The following RBM20 variants were observed in gnomAD, a reference collection of about 807,000 sequenced individuals.
RBM20 encodes RNA-binding protein 20.
Under a neutral mutation model 110.1 loss-of-function variants are expected in RBM20, and 51 were observed. The ratio of observed to expected loss-of-function variants is 0.46; its 90% CI spans 0.37 to 0.59. The LOEUF is 0.59. Ranked by LOEUF, RBM20 falls within the 20% of genes least tolerant of loss-of-function variation. The pLI is 0.00. For missense variants in RBM20, 1,512 were observed against 1,574.9 expected (o/e 0.96, Z 0.68); for synonymous variants, 589 against 618.2 (o/e 0.95, Z 0.70).
chr10:110,740,250 C>A (rs931254579), intron 1 of RBM20, among the ~76,000 whole-genome samples: 2 of 152,104 alleles, frequency 1.3e-5, no homozygotes, highest in Admixed American at 6.5e-5. Context: ...GTAATGTTGA[C>A]CTTGGAAGGT....
At chr10:110,744,542 C>T (rs368454965) in intron 1 of RBM20, among the ~76,000 whole-genome samples, 41 of 152,186 alleles carry the variant, frequency 2.7e-4, no homozygotes, top group African/African-American at 9.9e-4. Flanking sequence ...TTGATGGAAA[C>T]GCAGATTCTC....
chr10:110,708,072 TA>T (rs1438232699), intron 1 of RBM20, among the ~76,000 whole-genome samples: 2 of 152,224 alleles, frequency 1.3e-5, no homozygotes, highest in Non-Finnish European at 2.9e-5. Context: ...CACTCGGTTA[TA>T]AAAAGGTTGG....
chr10:110,803,045 G>T (rs1187518153), intron 7 of RBM20, among the ~76,000 whole-genome samples: 2 of 152,076 alleles, frequency 1.3e-5, no homozygotes, highest in Admixed American at 6.5e-5. Flanking sequence ...TGTGTAGGGT[G>T]TATAATAGCA....
intron 1 of RBM20, among the ~76,000 whole-genome samples, chr10:110,748,637 G>A (rs1481323480): frequency 6.6e-6 from 1 of 152,136 alleles, no homozygotes; most frequent in East Asian, 1.9e-4. Flanking sequence ...ACACTTACGA[G>A]TTGTTGTGTC....
In RBM20 at chr10:110,697,737, C is replaced by A. The variant is rs1294235947; in HGVS notation, c.191+53092C>A. The stretch of plus-strand genomic sequence containing the variant: ...CCCTGTCTGGTCCTCATCCTTCCCT[C>A]AAGCTTTTGCTCAAGTCTCACCTCT... On this transcript the variant is annotated intron_variant, in intron 1 of 13. Coordinates refer to ENST00000369519, the MANE Select transcript of RBM20 (RefSeq NM_001134363.3). 2.6e-5 allele frequency among the ~76,000 whole-genome samples: 4 copies of A among 152,170 alleles called. No homozygotes were observed. The East Asian group carries it at 7.7e-4, about 29-fold the overall frequency.
chr10:110,788,029 G>A (rs759360377), intron 5 of RBM20, among the ~76,000 whole-genome samples: 2 of 152,162 alleles, frequency 1.3e-5, no homozygotes, highest in African/African-American at 2.4e-5. Context: ...GGAAACTGAG[G>A]CCTAGAGAAG....
Position 110,820,055 on chromosome 10 carries a change from G to T in RBM20, c.2551-17G>T. ...GCTCACTGTTGATTTGGTTTGCTCTGTTCTTCCTTTGATAAGGCTGGAAAA... is the reference window on the plus strand; with the variant it reads ...GCTCACTGTTGATTTGGTTTGCTCTTTTCTTCCTTTGATAAGGCTGGAAAA... On this transcript the variant is annotated splice_polypyrimidine_tract_variant and intron_variant, in intron 9 of 13. Transcript: ENST00000369519. 1 of 1,523,234 alleles carries T rather than the reference G, an allele frequency of 6.6e-7. No homozygotes were observed. The allele number at this position is 1,523,234 out of a possible 1,614,324, so 94.4% of individuals were successfully genotyped here.
upstream of RBM20, chr10:110,644,252 G>C: frequency 1.5e-5 from 5 of 332,772 alleles, no homozygotes; most frequent in South Asian, 1.2e-4. This position sits in a 1 kb window ranked among gnomAD's most constrained non-coding sequence, Gnocchi z 4.3. Context: ...CCGCCCCCGC[G>C]TGGCCGGCCG....
Position 110,784,899 on chromosome 10 carries a change from G to A in RBM20, c.1527+10G>A, listed in dbSNP as rs1434850211. 21 of 1,421,350 alleles carry A rather than the reference G, an allele frequency of 1.5e-5. No homozygotes were observed. The highest frequency in any genetic ancestry group is 1.9e-5 in the Non-Finnish European group (20 of 1,037,374). The allele number at this position is 1,421,350 out of a possible 1,614,324, so 88.0% of individuals were successfully genotyped here. A position where few individuals can be genotyped will look rare whatever the true frequency, so the allele number is the denominator to read the frequency against. On this transcript the variant is annotated intron_variant, in intron 5 of 13. Coordinates refer to ENST00000369519, the MANE Select transcript of RBM20 (RefSeq NM_001134363.3). The stretch of plus-strand genomic sequence containing the variant: ...TTCTGTGGGGACAACTGTGAGTACG[G>A]AAACATTTTCTCTAGAAATTAATGA...
intron 1 of RBM20, among the ~76,000 whole-genome samples, chr10:110,645,158 C>T (rs1343487261): frequency 1.3e-5 from 2 of 152,148 alleles, no homozygotes; most frequent in African/African-American, 4.8e-5. Flanking sequence ...TTCAAGAAGG[C>T]CTTTTCGAAG....
chr10:110,809,208 C>A (rs1417754376), intron 7 of RBM20, among the ~76,000 whole-genome samples: 3 of 13,752 alleles, frequency 2.2e-4, no homozygotes, highest in Admixed American at 1.6e-3. Context: ...CAGAGCAAGA[C>A]CCCGTTTCTT....
At chr10:110,765,035 T>C (rs1179697534) in intron 1 of RBM20, among the ~76,000 whole-genome samples, 1 of 151,934 alleles carries the variant, frequency 6.6e-6, no homozygotes, top group East Asian at 1.9e-4. Flanking sequence ...CAGTTTAACA[T>C]GTGACCTAAA....
intron 1 of RBM20, among the ~76,000 whole-genome samples, chr10:110,710,620 G>A (rs890356707): frequency 1.3e-5 from 2 of 152,244 alleles, no homozygotes; most frequent in East Asian, 3.8e-4. Flanking sequence ...CAGTTTTCTT[G>A]GAGAGAAGCT....
In RBM20 at chr10:110,780,940, A is replaced by C. The variant is rs1844330584; in HGVS notation, c.331A>C (p.Thr111Pro). 1 of 1,551,576 alleles carries C rather than the reference A, an allele frequency of 6.4e-7. No individual in the cohort carries two copies. Among genetic ancestry groups the C allele is most frequent in the East Asian group, 2.4e-5 (1 of 40,916 alleles). ...HRLKLAQTAV[T>P]NNTAAATVLN... Reference sequence around the variant, plus strand: ...GCTGAAGCTGGCACAGACAGCTGTCACCAACAACACTGCAGCCGCCACAGT... The same window carrying C: ...GCTGAAGCTGGCACAGACAGCTGTCCCCAACAACACTGCAGCCGCCACAGT... Residue 111 changes from threonine (T) to proline (P), a missense_variant, in exon 2 of 14, where the codon ACC becomes CCC. Around this residue, in one of 3 missense-constraint regions of RBM20, gnomAD observed 1,149 missense variants for 1,169.4 expected, o/e 0.98. Transcript: ENST00000369519.
chr10:110,823,531 A>G lies in RBM20; in HGVS notation c.3368A>G (p.Tyr1123Cys). Residue 1123 changes from tyrosine (Y) to cysteine (C), a missense_variant, in exon 12 of 14, where the codon TAC (tyrosine) becomes TGC (cysteine). Around this residue, in one of 3 missense-constraint regions of RBM20, gnomAD observed 358 missense variants for 384.2 expected, o/e 0.93. Coordinates refer to ENST00000369519, the MANE Select transcript of RBM20 (RefSeq NM_001134363.3). ...TCTCTGGAGGTGAGGTCACCAGAGT[A>G]CACTGAAGTGGAACTGAAACAGCCC... ...MKSLEVRSPE[Y>C]TEVELKQPLS... is the part of the protein sequence containing the mutation. 1 of 1,549,560 alleles carries G rather than the reference A, an allele frequency of 6.5e-7. No individual in the cohort carries two copies. The highest frequency in any genetic ancestry group is 2.0e-5 in the Admixed American group (1 of 50,758).
At chr10:110,816,524 C>G (rs569539093) in intron 9 of RBM20, among the ~76,000 whole-genome samples, 1 of 152,192 alleles carries the variant, frequency 6.6e-6, no homozygotes. Flanking sequence ...TGCAGACCAC[C>G]TCAACACCTC....
chr10:110,723,641 A>G (rs1843532596), intron 1 of RBM20, among the ~76,000 whole-genome samples: 1 of 152,182 alleles, frequency 6.6e-6, no homozygotes, highest in African/African-American at 2.4e-5. Flanking sequence ...GGGGAAACTC[A>G]TTGTGGTTTT....
chr10:110,802,804 A>AG (rs60666765), intron 7 of RBM20, among the ~76,000 whole-genome samples: 51 of 152,018 alleles, frequency 3.4e-4, no homozygotes, highest in African/African-American at 1.1e-3. Flanking sequence ...TGGGAGAAAA[A>AG]GCAAATAAAC....
At position 110,739,581 on chromosome 10, in the gene RBM20, G is replaced by A. The variant is rs2134965714; in HGVS notation, c.192-41220G>A. Among the ~76,000 whole-genome samples the A allele has an allele frequency of 6.6e-6, 1 of 152,304 alleles. No individual in the cohort carries two copies. Among genetic ancestry groups the A allele is most frequent in the South Asian group, 2.1e-4 (1 of 4,824 alleles). On this transcript the variant is annotated intron_variant, in intron 1 of 13. Coordinates refer to ENST00000369519, the MANE Select transcript of RBM20 (RefSeq NM_001134363.3). This position sits in a 1 kb window ranked among gnomAD's most constrained non-coding sequence, Gnocchi z 4.1. ...GAAAGTTGGAAACCAGTTTTCTACA[G>A]CCTTCCAGAAAGAACTCAACTCGAG...
Sources: gnomAD v4.1 joint callset for allele counts (sites outside exome capture counted in the v4.1 genomes callset) on GRCh38, gnomAD v4.1.1 for gene constraint, gnomAD v4.1.1 regional missense constraint, Gnocchi (gnomAD v3.1) non-coding constraint, MANE v1.5 for transcripts, NCBI Gene and HGNC (gene_info 2026-07-23, HGNC 2026-07-21) for gene names.